LGSN: variants seen among roughly 807,000 people sequenced by gnomAD.
LGSN encodes lengsin, lens protein with glutamine synthetase domain, also known as lengsin.
Under a neutral mutation model 19.5 loss-of-function variants are expected in LGSN, and 21 were observed. The ratio of observed to expected loss-of-function variants is 1.07; its 90% CI spans 0.76 to 1.55. The LOEUF is 1.55. Among genes scored for constraint, LGSN ranks in the 40% most tolerant of loss-of-function variants. The pLI, the probability that LGSN is intolerant of heterozygous loss-of-function variation, is 0.00. For missense variants in LGSN, 673 were observed against 608.5 expected (o/e 1.11, Z -1.12); for synonymous variants, 257 against 215.6 (o/e 1.19, Z -1.68).
At position 63,285,770 on chromosome 6, in the gene LGSN, T is replaced by C; in HGVS notation, c.164-17A>G. Reference sequence around the variant, plus strand: ...TCATGCAATCTGCAAAATAAAAAAATAGGTTCTAACTCACGAGATCATGAT... The same window carrying C: ...TCATGCAATCTGCAAAATAAAAAAACAGGTTCTAACTCACGAGATCATGAT... On this transcript the variant is annotated splice_polypyrimidine_tract_variant and intron_variant, in intron 2 of 3. Transcript: ENST00000370657. 6.2e-7 allele frequency: 1 copy of C among 1,611,262 alleles called. No individual in the cohort carries two copies. Among genetic ancestry groups the C allele is most frequent in the Non-Finnish European group, 8.5e-7 (1 of 1,177,824 alleles).
the LGSN span, among the ~76,000 whole-genome samples, chr6:63,460,010 G>T: frequency 6.7e-6 from 1 of 148,718 alleles, no homozygotes; most frequent in African/African-American, 2.5e-5. Context: ...CCTTCATTGT[G>T]CAACAAACTT....
At chr6:63,549,887 GT>G in the LGSN span, among the ~76,000 whole-genome samples, 2 of 152,106 alleles carry the variant, frequency 1.3e-5, no homozygotes, top group Non-Finnish European at 2.9e-5. Context: ...AAATTATAGT[GT>G]TCTGTAGCAT....
chr6:63,417,889 A>T, the LGSN span, among the ~76,000 whole-genome samples: 1 of 152,324 alleles, frequency 6.6e-6, no homozygotes, highest in Admixed American at 6.5e-5. Flanking sequence ...TGCCAATAAG[A>T]TTGAGAGAAG....
chr6:63,361,359 G>A, the LGSN span, among the ~76,000 whole-genome samples: 8 of 152,086 alleles, frequency 5.3e-5, no homozygotes, highest in African/African-American at 1.9e-4. Context: ...GCAATGGTGG[G>A]CACCCCTCCC....
At chr6:63,373,183 C>T in the LGSN span, among the ~76,000 whole-genome samples, 1 of 152,178 alleles carries the variant, frequency 6.6e-6, no homozygotes, top group African/African-American at 2.4e-5. Flanking sequence ...TTACCTCCTC[C>T]ACAGCCATTT....
chr6:63,304,333 G>GA (rs762418001), intron 1 of LGSN, among the ~76,000 whole-genome samples: 2 of 152,156 alleles, frequency 1.3e-5, no homozygotes, highest in Non-Finnish European at 2.9e-5. Context: ...GTAATGATTA[G>GA]AAATGTATCC....
the LGSN span, among the ~76,000 whole-genome samples, chr6:63,419,157 T>C: frequency 6.6e-6 from 1 of 152,174 alleles, no homozygotes; most frequent in Non-Finnish European, 1.5e-5. Flanking sequence ...TGTATTTTCC[T>C]TGAGTCCTGA....
At chr6:63,412,768 A>AAAGAAAGAAAGG in the LGSN span, among the ~76,000 whole-genome samples, 2 of 22,766 alleles carry the variant, frequency 8.8e-5, no homozygotes, top group Admixed American at 5.8e-4. Flanking sequence ...AGAAAGAAAG[A>AAAGAAAGAAAGG]AAGGAAGGAA....
chr6:63,412,895 A>G, the LGSN span, among the ~76,000 whole-genome samples: 3 of 124,138 alleles, frequency 2.4e-5, no homozygotes, highest in African/African-American at 1.2e-4. Context: ...AGGGAGAGAA[A>G]GAGAGAGAGA....
the LGSN span, among the ~76,000 whole-genome samples, chr6:63,530,392 T>C: frequency 6.6e-6 from 1 of 152,144 alleles, no homozygotes; most frequent in Non-Finnish European, 1.5e-5. Flanking sequence ...CCAGGAGTGG[T>C]TTGCCCTGCC....
the LGSN span, among the ~76,000 whole-genome samples, chr6:63,483,247 C>G: frequency 1.3e-5 from 2 of 152,154 alleles, no homozygotes; most frequent in African/African-American, 4.8e-5. Context: ...CAGATTCTGT[C>G]TTCTCTGTGT....
the LGSN span, among the ~76,000 whole-genome samples, chr6:63,554,723 G>T: frequency 1.3e-5 from 2 of 152,154 alleles, no homozygotes; most frequent in Non-Finnish European, 2.9e-5. Context: ...GGAGGCAGAG[G>T]TTGCAGTGAG....
the LGSN span, among the ~76,000 whole-genome samples, chr6:63,529,137 G>A: frequency 0.5 from 67,604 of 136,364 alleles, 16,820 homozygotes; most frequent in African/African-American, 0.65. Context: ...ATATGTGTGT[G>A]TATATATATA....
Position 63,294,939 on chromosome 6 carries a change from C to T in LGSN, c.137G>A (p.Gly46Glu), listed in dbSNP as rs35691434. ...ATTTGAATTGGACATATCCGTTTCT[C>T]CCACTTCAGTTGAACAAACATATGG... ...TKPYVCSTEVGETDMSNSNDC... is the reference protein window; with the variant it reads ...TKPYVCSTEVEETDMSNSNDC... Residue 46 changes from glycine (G) to glutamate (E), a missense_variant, in exon 2 of 4, where the codon GGA becomes GAA. Coordinates refer to ENST00000370657, the MANE Select transcript of LGSN (RefSeq NM_016571.3). The T allele has an allele frequency of 6.6e-3, 10,666 of 1,613,790 alleles. 570 individuals are homozygous for T. The African/African-American group carries it at 0.12, about 19-fold the overall frequency.
the LGSN span, among the ~76,000 whole-genome samples, chr6:63,527,242 C>T: frequency 3.9e-5 from 6 of 152,172 alleles, no homozygotes; most frequent in Non-Finnish European, 8.8e-5. Context: ...ACATTTTAAA[C>T]AGAGCACATG....
At chr6:63,336,543 G>GTATATATATATATA in the LGSN span, among the ~76,000 whole-genome samples, 3 of 140,526 alleles carry the variant, frequency 2.1e-5, no homozygotes, top group Admixed American at 7.4e-5. Flanking sequence ...GTGTGTGTGT[G>GTATATATATATATA]TGTGTGTGTG....
At chr6:63,318,041 G>A (rs925312473) in intron 1 of LGSN, among the ~76,000 whole-genome samples, 2 of 148,890 alleles carry the variant, frequency 1.3e-5, no homozygotes, top group Non-Finnish European at 2.9e-5. Context: ...TAAGAAGTAA[G>A]AATGTGTTTT....
At chr6:63,437,728 G>C in the LGSN span, among the ~76,000 whole-genome samples, 1 of 152,046 alleles carries the variant, frequency 6.6e-6, no homozygotes, top group African/African-American at 2.4e-5. Context: ...TCAGGAGTTC[G>C]AGACCAGCCT....
At chr6:63,498,250 A>C in the LGSN span, among the ~76,000 whole-genome samples, 1 of 152,020 alleles carries the variant, frequency 6.6e-6, no homozygotes, top group South Asian at 2.1e-4. Flanking sequence ...AGGAAAACAC[A>C]GACTGAAAGT....
Sources: gnomAD v4.1 joint callset for allele counts (sites outside exome capture counted in the v4.1 genomes callset) on GRCh38, gnomAD v4.1.1 for gene constraint, MANE v1.5 for transcripts, NCBI Gene and HGNC (gene_info 2026-07-23, HGNC 2026-07-21) for gene names.